The following ZRSR2 variants were observed in gnomAD, a reference collection of about 807,000 sequenced individuals.
The protein encoded by ZRSR2 is U2 small nuclear ribonucleoprotein auxiliary factor 35 kDa subunit-related protein 2.
In ZRSR2, 3 loss-of-function variants were observed where a neutral mutation model predicts 39.4. The ratio of observed to expected loss-of-function variants is 0.08; its 90% CI spans 0.03 to 0.20. The LOEUF (loss-of-function observed/expected upper bound fraction) is 0.20, where lower values mean the gene tolerates loss of function less well. ZRSR2 is among the 10% of genes least tolerant of loss of function. ZRSR2 has a pLI of 1.00. For missense variants in ZRSR2, 256 were observed against 391.5 expected, an observed-to-expected ratio of 0.65 and a Z score of 2.92; for synonymous variants, 137 against 136.0, an observed-to-expected ratio of 1.01 and a Z score of -0.05.
At chrX:15,819,441 G>T (rs1331370925) in intron 9 of ZRSR2, among the ~76,000 whole-genome samples, 1 of 110,795 alleles carries the variant, frequency 9.0e-6, no homozygotes, top group Non-Finnish European at 1.9e-5. Flanking sequence ...GCCGAATGTG[G>T]TGGCATGTGC....
chrX:15,802,733 C>T (rs1932711825), intron 3 of ZRSR2, among the ~76,000 whole-genome samples: 1 of 111,463 alleles, frequency 9.0e-6, no homozygotes, highest in Admixed American at 9.5e-5. Context: ...TGCTGGATTA[C>T]AGGTGCGAGC....
At position 15,820,235 on chromosome X, in the gene ZRSR2, C is replaced by T. The variant is rs749398280; in HGVS notation, c.856C>T (p.Leu286=). 2.5e-6 allele frequency: 3 copies of T among 1,209,631 alleles called. No homozygotes were observed. The highest frequency in any genetic ancestry group is 3.4e-6 in the Non-Finnish European group (3 of 894,895). The part of the protein sequence containing the change: ...SEEECQAALS[L]FNGRWYAGRQ... ...AGAAGAATGCCAAGCAGCCCTTTCTCTGTTTAACGGACGATGGTATGCAGG... is the reference window on the plus strand; with the variant it reads ...AGAAGAATGCCAAGCAGCCCTTTCTTTGTTTAACGGACGATGGTATGCAGG... Residue 286 remains leucine, a synonymous_variant, in exon 10 of 11, where the codon CTG becomes TTG. Transcript: ENST00000307771.
At chrX:15,816,977 C>T (rs1419423786) in intron 8 of ZRSR2, among the ~76,000 whole-genome samples, 1 of 111,837 alleles carries the variant, frequency 8.9e-6, no homozygotes, top group Non-Finnish European at 1.9e-5. Context: ...TGGTCACAGC[C>T]ACACAATACC....
intron 10 of ZRSR2, among the ~76,000 whole-genome samples, chrX:15,820,615 G>A (rs767243514): frequency 1.8e-5 from 2 of 112,058 alleles, no homozygotes; most frequent in Non-Finnish European, 3.8e-5. Context: ...GGAAGCCTGA[G>A]GAGTTTACGT....
chrX:15,822,953 A>G lies in ZRSR2; in HGVS notation c.1160A>G (p.His387Arg). ...LRGRRNPSPD[H>R]SYKRNGESER... ...GGAAGGAGAAACCCTAGTCCAGACC[A>G]CTCCTACAAAAGAAATGGGGAATCC... Residue 387 changes from histidine (H) to arginine (R), a missense_variant, in exon 11 of 11, where the codon CAC becomes CGC. Around this residue, in one of 3 missense-constraint regions of ZRSR2, gnomAD observed 111 missense variants for 116.7 expected, o/e 0.95. Transcript: ENST00000307771. The G allele has an allele frequency of 8.2e-7, 1 of 1,212,256 alleles. No individual in the cohort carries two copies. Among genetic ancestry groups the G allele is most frequent in the Non-Finnish European group, 1.1e-6 (1 of 895,644 alleles).
At chrX:15,821,971 G>T (rs1219589710) in intron 10 of ZRSR2, among the ~76,000 whole-genome samples, 1 of 110,305 alleles carries the variant, frequency 9.1e-6, no homozygotes, top group Non-Finnish European at 1.9e-5. Flanking sequence ...AGAAAATATA[G>T]ACTCCTCTAT....
chrX:15,794,772 T>A (rs1047420833), intron 2 of ZRSR2, among the ~76,000 whole-genome samples: 1 of 112,065 alleles, frequency 8.9e-6, no homozygotes, highest in Non-Finnish European at 1.9e-5. Context: ...GCTTTTTCAT[T>A]TCTCTAAAAA....
At chrX:15,798,344 T>C (rs1302550942) in intron 2 of ZRSR2, among the ~76,000 whole-genome samples, 1 of 112,197 alleles carries the variant, frequency 8.9e-6, no homozygotes, top group Non-Finnish European at 1.9e-5. Context: ...AAAAGTTGTT[T>C]TTTCATGTTT....
intron 3 of ZRSR2, chrX:15,801,466 C>T (rs1352790429): frequency 4.1e-6 from 1 of 246,748 alleles, no homozygotes. Context: ...CTCTTGACCT[C>T]ATGATCTGCC....
At chrX:15,815,970 T>C (rs1932967406) in intron 8 of ZRSR2, 80 bp downstream of exon 8, 1 of 823,686 alleles carries the variant, frequency 1.2e-6, no homozygotes, top group Non-Finnish European at 1.7e-6. Flanking sequence ...GGACACAGGC[T>C]CAGCTGGGGT....
intron 7 of ZRSR2, among the ~76,000 whole-genome samples, chrX:15,811,664 G>C (rs1932885432): frequency 8.9e-6 from 1 of 112,121 alleles, no homozygotes; most frequent in Non-Finnish European, 1.9e-5. Context: ...TTGACATTGT[G>C]ATCCACGTGC....
chrX:15,800,572 A>G (rs765219228), intron 3 of ZRSR2, among the ~76,000 whole-genome samples: 1 of 112,222 alleles, frequency 8.9e-6, no homozygotes, highest in Non-Finnish European at 1.9e-5. Context: ...CAACACACCC[A>G]AAGATAGCCA....
chrX:15,799,715 G>T (rs946828629), intron 2 of ZRSR2, among the ~76,000 whole-genome samples, 157 bp from the exon 3 acceptor site: 1 of 111,493 alleles, frequency 9.0e-6, no homozygotes, highest in Non-Finnish European at 1.9e-5. Flanking sequence ...TGCTTGTGTT[G>T]TACCAAAGAA....
chrX:15,814,511 G>A (rs1231306007), intron 7 of ZRSR2, among the ~76,000 whole-genome samples: 1 of 111,784 alleles, frequency 8.9e-6, no homozygotes, highest in Non-Finnish European at 1.9e-5. Context: ...TATGGCATGC[G>A]CCAGCTACTC....
At chrX:15,794,142 G>A (rs1932371675) in intron 2 of ZRSR2, among the ~76,000 whole-genome samples, 1 of 111,815 alleles carries the variant, frequency 8.9e-6, no homozygotes, top group South Asian at 3.7e-4. Flanking sequence ...TGCTTGCGTT[G>A]TATTTACCAG....
At chrX:15,822,681 T>C in intron 10 of ZRSR2, 50 bp from the exon 11 acceptor site, 1 of 1,208,977 alleles carries the variant, frequency 8.3e-7, no homozygotes, top group Non-Finnish European at 1.1e-6. Context: ...TAAAGTAGCA[T>C]CTTCAGAATA....
intron 3 of ZRSR2, among the ~76,000 whole-genome samples, chrX:15,803,187 C>T (rs1407740888): frequency 3.6e-5 from 4 of 110,340 alleles, no homozygotes; most frequent in Non-Finnish European, 7.6e-5. Flanking sequence ...CACTTGAACC[C>T]GGGAGGCAGA....
At chrX:15,812,710 G>T (rs1337472691) in intron 7 of ZRSR2, among the ~76,000 whole-genome samples, 1 of 112,106 alleles carries the variant, frequency 8.9e-6, no homozygotes, top group Admixed American at 9.5e-5. Context: ...GAAGGTTCGT[G>T]ATCTAGCACA....
At chrX:15,792,265 A>T (rs1932308465) in intron 2 of ZRSR2, among the ~76,000 whole-genome samples, 1 of 111,953 alleles carries the variant, frequency 8.9e-6, no homozygotes, top group African/African-American at 3.2e-5. Context: ...TCTACTAAAA[A>T]TACAAGATTA....
Sources: gnomAD v4.1 joint callset for allele counts (sites outside exome capture counted in the v4.1 genomes callset) on GRCh38, gnomAD v4.1.1 for gene constraint, gnomAD v4.1.1 regional missense constraint, MANE v1.5 for transcripts, NCBI Gene and HGNC (gene_info 2026-07-23, HGNC 2026-07-21) for gene names.